The following ERBB4 variants were observed in gnomAD, a reference collection of about 807,000 sequenced individuals.
ERBB4 encodes receptor tyrosine-protein kinase erbB-4.
In ERBB4, 42 loss-of-function variants were observed where a neutral mutation model predicts 158.0. The observed-to-expected ratio is 0.27, with a 90% confidence interval of 0.21 to 0.34. The LOEUF (loss-of-function observed/expected upper bound fraction) is 0.34, where lower values mean the gene tolerates loss of function less well. Among genes scored for constraint, ERBB4 ranks in the 10% least tolerant of loss-of-function variants. ERBB4 has a pLI of 1.00. For missense variants in ERBB4, 1,333 were observed against 1,624.1 expected, an observed-to-expected ratio of 0.82 and a Z score of 3.08; for synonymous variants, 583 against 558.7, an observed-to-expected ratio of 1.04 and a Z score of -0.61.
intron 1 of ERBB4, among the ~76,000 whole-genome samples, chr2:212,501,606 G>T (rs914606261): frequency 6.6e-6 from 1 of 152,122 alleles, no homozygotes; most frequent in Non-Finnish European, 1.5e-5. Context: ...TAAGGATTAA[G>T]TATGTACCCT....
At chr2:211,646,020 A>T (rs1306024423) in intron 16 of ERBB4, among the ~76,000 whole-genome samples, 3 of 151,612 alleles carry the variant, frequency 2.0e-5, no homozygotes, top group Non-Finnish European at 4.4e-5. Context: ...GTAAACTGAT[A>T]CTAGGGAATA....
At chr2:212,017,320 T>A (rs1010990488) in intron 2 of ERBB4, among the ~76,000 whole-genome samples, 6 of 152,132 alleles carry the variant, frequency 3.9e-5, no homozygotes, top group Non-Finnish European at 7.4e-5. Context: ...ACTTCTCATT[T>A]TGTGCAAGTG....
chr2:212,151,048 A>G (rs1381518470), intron 1 of ERBB4, among the ~76,000 whole-genome samples: 1 of 152,080 alleles, frequency 6.6e-6, no homozygotes, highest in Non-Finnish European at 1.5e-5. Flanking sequence ...GTTAAATACA[A>G]TCAATATTTC....
At chr2:212,535,185 A>G (rs925884383) in intron 1 of ERBB4, among the ~76,000 whole-genome samples, 3 of 152,148 alleles carry the variant, frequency 2.0e-5, no homozygotes, top group Non-Finnish European at 4.4e-5. Flanking sequence ...ACAGATATTT[A>G]TTTAGACATA....
chr2:211,779,535 G>A (rs1183915434), intron 4 of ERBB4: 1 of 152,178 alleles, frequency 6.6e-6, no homozygotes, highest in Non-Finnish European at 1.5e-5. Flanking sequence ...TATCCGGTAT[G>A]CCTTGACGTT....
intron 20 of ERBB4, among the ~76,000 whole-genome samples, chr2:211,483,420 C>T (rs988405491): frequency 1.3e-5 from 2 of 151,948 alleles, no homozygotes; most frequent in Non-Finnish European, 2.9e-5. Flanking sequence ...AATTAAATTG[C>T]TTAATGTAAG....
At chr2:212,015,646 C>T (rs2076511952) in intron 2 of ERBB4, among the ~76,000 whole-genome samples, 3 of 152,178 alleles carry the variant, frequency 2.0e-5, no homozygotes, top group Admixed American at 2.0e-4. Context: ...CCACCCCCTA[C>T]CCCCACCTCC....
chr2:211,456,926 G>A (rs1252335716), intron 20 of ERBB4, among the ~76,000 whole-genome samples: 1 of 152,072 alleles, frequency 6.6e-6, no homozygotes, highest in Non-Finnish European at 1.5e-5. Context: ...TGTGGTCCTG[G>A]GGTTGGGGAC....
intron 2 of ERBB4, among the ~76,000 whole-genome samples, chr2:212,094,672 AG>A (rs756035193): frequency 3.9e-5 from 6 of 152,104 alleles, no homozygotes; most frequent in Non-Finnish European, 8.8e-5. Context: ...CATGATCGAA[AG>A]CTTCCTGAGG....
In ERBB4 at chr2:212,213,512, A is replaced by C. The variant is rs571165971; in HGVS notation, c.83-88609T>G. On this transcript the variant is annotated intron_variant, in intron 1 of 27. Transcript: ENST00000342788. The stretch of plus-strand genomic sequence containing the variant: ...TTATGCATTTATGGGGGCAGCTAAA[A>C]GATATTGGAAGGAATGGCTAAGCCC... Among the ~76,000 whole-genome samples, 10 of 152,038 alleles carry C rather than the reference A, an allele frequency of 6.6e-5. No individual in the cohort carries two copies. In the East Asian group the frequency reaches 1.9e-3, roughly 29 times the overall value.
At chr2:212,384,920 T>TATATATACACAC (rs764463489) in intron 1 of ERBB4, among the ~76,000 whole-genome samples, 2 of 123,774 alleles carry the variant, frequency 1.6e-5, no homozygotes, top group African/African-American at 6.8e-5. Context: ...TATATATATA[T>TATATATACACAC]ACACACACAC....
intron 20 of ERBB4, among the ~76,000 whole-genome samples, chr2:211,443,020 A>G (rs998133263): frequency 1.3e-5 from 2 of 152,036 alleles, no homozygotes; most frequent in African/African-American, 4.8e-5. Context: ...GTTTTGGGAC[A>G]GTCAATAAAT....
At chr2:212,427,817 C>T (rs1299491990) in intron 1 of ERBB4, among the ~76,000 whole-genome samples, 20 of 152,124 alleles carry the variant, frequency 1.3e-4, no homozygotes, top group Admixed American at 6.6e-4. Context: ...TGTGGGGAAA[C>T]GTGAGTGCAT....
intron 16 of ERBB4, 23 bp from the exon 17 acceptor site, chr2:211,630,617 A>C (rs199573850): frequency 6.2e-7 from 1 of 1,603,118 alleles, no homozygotes; most frequent in African/African-American, 1.3e-5. Context: ...ATGAGAAAAA[A>C]AAAAATAAAA....
chr2:212,439,378 G>A (rs2092205272), intron 1 of ERBB4, among the ~76,000 whole-genome samples: 2 of 152,042 alleles, frequency 1.3e-5, no homozygotes, highest in African/African-American at 4.8e-5. Context: ...ACCAAATTAT[G>A]AAGACTTGAT....
At chr2:212,360,026 T>G (rs1474561577) in intron 1 of ERBB4, among the ~76,000 whole-genome samples, 1 of 151,742 alleles carries the variant, frequency 6.6e-6, no homozygotes, top group African/African-American at 2.4e-5. Context: ...ATAACCTTAT[T>G]TTATCACAAC....
At chr2:212,487,602 T>TA in intron 1 of ERBB4, among the ~76,000 whole-genome samples, 1 of 151,906 alleles carries the variant, frequency 6.6e-6, no homozygotes, top group East Asian at 1.9e-4. Context: ...TGAGAACCTA[T>TA]ATGTGGCTGC....
intron 2 of ERBB4, among the ~76,000 whole-genome samples, chr2:211,963,735 A>C (rs1422431286): frequency 2.0e-5 from 3 of 152,104 alleles, no homozygotes; most frequent in Non-Finnish European, 2.9e-5. Flanking sequence ...AAGCTTGCCT[A>C]ATACAACTTG....
intron 2 of ERBB4, among the ~76,000 whole-genome samples, chr2:212,098,931 G>T (rs1389630752): frequency 3.3e-5 from 5 of 151,938 alleles, no homozygotes; most frequent in Admixed American, 3.3e-4. Context: ...AACACCTACT[G>T]TACTACCCAT....
Sources: allele counts gnomAD v4.1 joint callset (sites outside exome capture counted in the v4.1 genomes callset), GRCh38; gene constraint gnomAD v4.1.1; transcripts MANE v1.5; gene names NCBI Gene and HGNC (gene_info 2026-07-23, HGNC 2026-07-21).